Variants in PTPRD observed in about 807,000 individuals in gnomAD.
The protein encoded by PTPRD is protein tyrosine phosphatase receptor type D.
Under a neutral mutation model 214.5 loss-of-function variants are expected in PTPRD, and 34 were observed. That is an observed-to-expected ratio of 0.16 (90% confidence interval 0.12 to 0.21). The LOEUF is 0.21. Among genes scored for constraint, PTPRD ranks in the 10% least tolerant of loss-of-function variants. PTPRD has a pLI of 1.00. For missense variants in PTPRD, 2,545 were observed against 2,398.7 expected (o/e 1.06, Z -1.27); for synonymous variants, 1,128 against 845.7 (o/e 1.33, Z -5.79).
intron 9 of PTPRD, among the ~76,000 whole-genome samples, chr9:9,202,872 C>T (rs10977567): frequency 0.16 from 24,840 of 152,028 alleles, 2,152 homozygotes; most frequent in African/African-American, 0.22. Flanking sequence ...CTTTAGTCCG[C>T]CTCTTAAATG....
intron 2 of PTPRD, among the ~76,000 whole-genome samples, chr9:10,444,180 C>A (rs2154524283): frequency 6.6e-6 from 1 of 151,842 alleles, no homozygotes; most frequent in African/African-American, 2.4e-5. Flanking sequence ...GTGACTGTAT[C>A]ACCTATTCTA....
intron 3 of PTPRD, among the ~76,000 whole-genome samples, chr9:10,289,007 C>T (rs1338479576): frequency 6.7e-6 from 1 of 148,304 alleles, no homozygotes; most frequent in African/African-American, 2.5e-5. Context: ...TAACTTACTC[C>T]AAATTAAGAT....
intron 39 of PTPRD, among the ~76,000 whole-genome samples, chr9:8,348,740 T>G (rs1261190065): frequency 6.6e-6 from 1 of 152,208 alleles, no homozygotes; most frequent in Non-Finnish European, 1.5e-5. Flanking sequence ...TTCCCACCTC[T>G]GGGCGTTTGT....
chr9:8,631,230 A>G (rs532167099), intron 14 of PTPRD, among the ~76,000 whole-genome samples: 1 of 151,894 alleles, frequency 6.6e-6, no homozygotes, highest in African/African-American at 2.4e-5. Context: ...CTAAAATCTA[A>G]TTTCTAACTC....
At chr9:9,166,057 G>C (rs2099903103) in intron 10 of PTPRD, among the ~76,000 whole-genome samples, 1 of 151,132 alleles carries the variant, frequency 6.6e-6, no homozygotes, top group African/African-American at 2.4e-5. Flanking sequence ...AAAAACCTGT[G>C]GTGACTTTAA....
chr9:9,724,931 G>A (rs2098051410), intron 7 of PTPRD, among the ~76,000 whole-genome samples: 1 of 152,052 alleles, frequency 6.6e-6, no homozygotes, highest in South Asian at 2.1e-4. Context: ...GCAGAGGAGT[G>A]GTCAGAACAC....
chr9:9,142,324 G>T (rs540469716), intron 10 of PTPRD, among the ~76,000 whole-genome samples: 1 of 152,300 alleles, frequency 6.6e-6, no homozygotes, highest in African/African-American at 2.4e-5. Flanking sequence ...AGGAGAGGTG[G>T]GTCAATGAGC....
At chr9:8,725,881 G>A (rs2098550969) in intron 12 of PTPRD, among the ~76,000 whole-genome samples, 1 of 152,176 alleles carries the variant, frequency 6.6e-6, no homozygotes, top group South Asian at 2.1e-4. Context: ...GACAAAGTCT[G>A]AGAAGATTGC....
At chr9:8,474,032 C>T (rs1177980033) in intron 30 of PTPRD, among the ~76,000 whole-genome samples, 2 of 152,184 alleles carry the variant, frequency 1.3e-5, no homozygotes. Context: ...ACCTGTCTCT[C>T]CCCTGAGGGT....
chr9:8,699,088 T>C lies in PTPRD; in HGVS notation c.64+34692A>G, dbSNP rs962959652. On this transcript the variant is annotated intron_variant, in intron 12 of 45. Transcript: ENST00000381196. ...TTTGTTATCACAAAATGCACACTCT[T>C]TTTTCAGAATTCCTGAATAATGAAA... Among the ~76,000 whole-genome samples, 3 of 152,282 alleles carry C rather than the reference T, an allele frequency of 2.0e-5. No individual in the cohort carries two copies. The South Asian group carries it at 6.2e-4, about 32-fold the overall frequency.
chr9:9,126,247 C>T (rs1015436731), intron 10 of PTPRD, among the ~76,000 whole-genome samples: 12 of 152,218 alleles, frequency 7.9e-5, no homozygotes, highest in South Asian at 2.1e-4. Flanking sequence ...CTGAAGCTAA[C>T]GACAGAGGAA....
chr9:8,793,426 A>T (rs985464292), intron 11 of PTPRD, among the ~76,000 whole-genome samples: 2 of 152,226 alleles, frequency 1.3e-5, no homozygotes, highest in East Asian at 3.9e-4. Context: ...AGATGACTGC[A>T]GCCCCATCTA....
intron 7 of PTPRD, among the ~76,000 whole-genome samples, chr9:9,725,444 T>C (rs1465957385): frequency 6.6e-6 from 1 of 152,104 alleles, no homozygotes; most frequent in Admixed American, 6.6e-5. Context: ...TTCTTCCTAT[T>C]CTCAGCTTAT....
rs78539643 is a variant in PTPRD at position 8,561,142 on chromosome 9, A to G, written c.353-32363T>C. 5.8e-3 allele frequency among the ~76,000 whole-genome samples: 875 copies of G among 152,136 alleles called. 10 individuals carry two copies. The highest frequency in any genetic ancestry group is 0.053 in the East Asian group (274 of 5,162). ...TTGTTCTGATTGATCCCCACCCTTC[A>G]TGTATTTTACTTATCCCTACCCTTT... On this transcript the variant is annotated intron_variant, in intron 14 of 45. Transcript: ENST00000381196.
At chr9:9,982,258 C>A (rs2095566913) in intron 4 of PTPRD, among the ~76,000 whole-genome samples, 1 of 152,136 alleles carries the variant, frequency 6.6e-6, no homozygotes, top group Admixed American at 6.5e-5. Context: ...ATCTTTGTCA[C>A]TGAACAGATC....
chr9:9,235,590 C>T (rs1306839655), intron 9 of PTPRD, among the ~76,000 whole-genome samples: 1 of 151,926 alleles, frequency 6.6e-6, no homozygotes, highest in Non-Finnish European at 1.5e-5. Flanking sequence ...CATTTTTGCC[C>T]CTACTGTTTC....
intron 11 of PTPRD, among the ~76,000 whole-genome samples, chr9:8,742,746 A>C (rs922951049): frequency 2.0e-5 from 3 of 152,176 alleles, no homozygotes; most frequent in African/African-American, 7.2e-5. Context: ...AGGACCTTTT[A>C]ATTGTTTTTT....
At chr9:9,747,799 T>G (rs2098473531) in intron 6 of PTPRD, among the ~76,000 whole-genome samples, 1 of 152,136 alleles carries the variant, frequency 6.6e-6, no homozygotes. Flanking sequence ...GTGATCTACC[T>G]GCCTCGGCCT....
intron 10 of PTPRD, among the ~76,000 whole-genome samples, chr9:9,109,826 G>A (rs1314522185): frequency 6.6e-6 from 1 of 152,110 alleles, no homozygotes; most frequent in Non-Finnish European, 1.5e-5. Flanking sequence ...TTCTTGGTCT[G>A]AGTTGGAGAG....
Sources: allele counts gnomAD v4.1 joint callset (sites outside exome capture counted in the v4.1 genomes callset), GRCh38; gene constraint gnomAD v4.1.1; transcripts MANE v1.5; gene names NCBI Gene and HGNC (gene_info 2026-07-23, HGNC 2026-07-21).